The following DOCK8 variants were observed in gnomAD, a reference collection of about 807,000 sequenced individuals.
DOCK8 encodes the protein dedicator of cytokinesis protein 8.
A neutral mutation model predicts 245.6 loss-of-function variants in DOCK8; 141 were observed. The ratio of observed to expected loss-of-function variants is 0.57; its 90% confidence interval spans 0.50 to 0.66. DOCK8 has a LOEUF of 0.66. Among genes scored for constraint, DOCK8 ranks in the 30% least tolerant of loss-of-function variants. The pLI is 0.00. For missense variants in DOCK8, 2,965 were observed against 2,603.4 expected (o/e 1.14, Z -3.02); for synonymous variants, 1,168 against 970.2 (o/e 1.20, Z -3.79).
At chr9:267,927 G>A (rs931058784) in intron 1 of DOCK8, 2 of 152,134 alleles carry the variant, frequency 1.3e-5, no homozygotes, top group African/African-American at 4.8e-5. Flanking sequence ...TTCCCAAAGC[G>A]AGATAGTTAG....
At chr9:212,779 T>C (rs1396841971), upstream of DOCK8, 1 of 152,222 alleles carries the variant, frequency 6.6e-6, no homozygotes, top group African/African-American at 2.4e-5. Flanking sequence ...ATTCCCACAT[T>C]CACCCAAAAA....
upstream of DOCK8, chr9:214,293 A>T: frequency 1.9e-6 from 1 of 538,464 alleles, no homozygotes; most frequent in East Asian, 3.5e-5. Context: ...TCCGGAGAAA[A>T]GCATTCACGC....
rs545017457 is a variant in DOCK8 at position 453,514 on chromosome 9, C to T, written c.6068+1397C>T. Among the ~76,000 whole-genome samples the T allele has an allele frequency of 1.4e-4, 22 of 152,312 alleles. No individual in the cohort carries two copies. The South Asian group carries it at 3.9e-3, about 27-fold the overall frequency. On this transcript the variant is annotated intron_variant, in intron 46 of 47. Transcript: ENST00000432829. The stretch of plus-strand genomic sequence containing the variant: ...TAATCTCAGCTCACTGCAACCTCCA[C>T]TTCCCAGGCTCAAGAGATTCTCCTC...
chr9:402,339 C>T (rs1451004723), intron 26 of DOCK8, among the ~76,000 whole-genome samples: 1 of 152,194 alleles, frequency 6.6e-6, no homozygotes, highest in African/African-American at 2.4e-5. Flanking sequence ...AAGAAGCCTG[C>T]ATGCTGATTC....
intron 45 of DOCK8, among the ~76,000 whole-genome samples, chr9:451,598 G>A (rs2057440511): frequency 6.6e-6 from 1 of 152,116 alleles, no homozygotes; most frequent in Non-Finnish European, 1.5e-5. Flanking sequence ...TCTCTAGCCT[G>A]GGTGATAGAG....
chr9:280,878 T>C lies in DOCK8; in HGVS notation c.157-5583T>C, dbSNP rs577053846. 110 of 152,376 alleles carry C rather than the reference T, an allele frequency of 7.2e-4. 1 individual carries two copies. The highest frequency in any genetic ancestry group is 2.6e-3 in the African/African-American group (108 of 41,596). The allele number at this position is 152,376 out of a possible 1,614,324, so 9.4% of individuals were successfully genotyped here. On this transcript the variant is annotated intron_variant, in intron 2 of 47. Transcript: ENST00000432829. ...GGAAATGTAGTTCAGCCTAGCCACGTTGACACATCATGAAGCCGTCACAAA... is the reference window on the plus strand; with the variant it reads ...GGAAATGTAGTTCAGCCTAGCCACGCTGACACATCATGAAGCCGTCACAAA...
intron 23 of DOCK8, among the ~76,000 whole-genome samples, chr9:387,327 C>G (rs1412173729): frequency 2.0e-5 from 3 of 151,708 alleles, no homozygotes; most frequent in African/African-American, 7.3e-5. Flanking sequence ...CCTGTAATCT[C>G]AGCTACTCAG....
chr9:263,499 GCA>G (rs1448340165), intron 1 of DOCK8, among the ~76,000 whole-genome samples: 2 of 151,804 alleles, frequency 1.3e-5, no homozygotes, highest in African/African-American at 4.8e-5. Flanking sequence ...TATTTATATT[GCA>G]CAGTCACTAT....
At chr9:423,540 T>C (rs1347612389) in intron 33 of DOCK8, among the ~76,000 whole-genome samples, 2 of 152,238 alleles carry the variant, frequency 1.3e-5, no homozygotes, top group African/African-American at 4.8e-5. Context: ...ATCTTTATTG[T>C]TACCACAAGA....
At chr9:435,007 G>A in intron 39 of DOCK8, 32 bp downstream of exon 39, 1 of 1,609,240 alleles carries the variant, frequency 6.2e-7, no homozygotes, top group Non-Finnish European at 8.5e-7. Flanking sequence ...CCTTAGAGCA[G>A]TGGTTCTCAA....
At chr9:215,353 A>G (rs763087819) in intron 1 of DOCK8, 1 of 1,600,932 alleles carries the variant, frequency 6.2e-7, no homozygotes, top group Non-Finnish European at 8.5e-7. Context: ...GAAGGGTGAT[A>G]GGCGCCTGGG....
chr9:331,555 C>A lies in DOCK8; in HGVS notation c.1045-843C>A, dbSNP rs558031683. The stretch of plus-strand genomic sequence containing the variant: ...TGACCCAAATTCTTTCTTCAAGGAT[C>A]ATCTCAACTGATGGGACTAAATCCA... On this transcript the variant is annotated intron_variant, in intron 9 of 47. Coordinates refer to ENST00000432829, the MANE Select transcript of DOCK8 (RefSeq NM_203447.4). 3.3e-5 allele frequency among the ~76,000 whole-genome samples: 5 copies of A among 152,320 alleles called. No individual in the cohort carries two copies. In the East Asian group the frequency reaches 7.7e-4, roughly 23 times the overall value.
At chr9:220,287 T>C (rs1279744013) in intron 1 of DOCK8, among the ~76,000 whole-genome samples, 1 of 152,246 alleles carries the variant, frequency 6.6e-6, no homozygotes, top group Non-Finnish European at 1.5e-5. Context: ...TTACAAAATG[T>C]ATGCTGAAAT....
At chr9:273,600 G>C (rs144359153) in intron 2 of DOCK8, among the ~76,000 whole-genome samples, 1 of 152,094 alleles carries the variant, frequency 6.6e-6, no homozygotes, top group African/African-American at 2.4e-5. Flanking sequence ...TAGTTGTCTT[G>C]GGAAGTAGTG....
intron 14 of DOCK8, among the ~76,000 whole-genome samples, chr9:354,095 GC>G (rs2052308179): frequency 1.3e-5 from 2 of 152,336 alleles, no homozygotes; most frequent in African/African-American, 4.8e-5. Flanking sequence ...ACTTTGGGAG[GC>G]CAAGGCAGGT....
rs150252004 is a variant in DOCK8 at position 454,829 on chromosome 9, C to T, written c.6068+2712C>T. The stretch of plus-strand genomic sequence containing the variant: ...ATGTACTTACAAAATCCCTACTAAA[C>T]ATGCGTTTCTCATTAGCTCCCAGCC... On this transcript the variant is annotated intron_variant, in intron 46 of 47. Coordinates refer to ENST00000432829, the MANE Select transcript of DOCK8 (RefSeq NM_203447.4). Among the ~76,000 whole-genome samples, 906 of 152,228 alleles carry T rather than the reference C, an allele frequency of 6.0e-3. 9 individuals carry two copies. The highest frequency in any genetic ancestry group is 0.03 in the Admixed American group (452 of 15,290).
At chr9:250,212 C>G (rs1193376285) in intron 1 of DOCK8, among the ~76,000 whole-genome samples, 1 of 152,150 alleles carries the variant, frequency 6.6e-6, no homozygotes, top group Non-Finnish European at 1.5e-5. Flanking sequence ...ATTAAGCTGA[C>G]AGGAAATGGC....
At chr9:315,124 T>C (rs2050285864) in intron 6 of DOCK8, among the ~76,000 whole-genome samples, 1 of 152,216 alleles carries the variant, frequency 6.6e-6, no homozygotes, top group Non-Finnish European at 1.5e-5. Context: ...GAGTACTTCT[T>C]GGCTCACCTA....
intron 46 of DOCK8, chr9:456,433 T>G (rs1345743873): frequency 6.6e-6 from 1 of 152,260 alleles, no homozygotes; most frequent in Non-Finnish European, 1.5e-5. Context: ...CTCAGCAGAC[T>G]TGGGCTGTAG....
Sources: allele counts gnomAD v4.1 joint callset (sites outside exome capture counted in the v4.1 genomes callset), GRCh38; gene constraint gnomAD v4.1.1; transcripts MANE v1.5; gene names NCBI Gene and HGNC (gene_info 2026-07-23, HGNC 2026-07-21).